TM4SF4: variants seen among roughly 807,000 people sequenced by gnomAD.
The protein encoded by TM4SF4 is transmembrane 4 L six family member 4, also known as transmembrane 4 L6 family member 4.
TM4SF4 carries 24 observed loss-of-function variants against 24.1 expected under a neutral mutation model. The ratio of observed to expected loss-of-function variants is 1.00; its 90% CI spans 0.72 to 1.40. TM4SF4 has a LOEUF of 1.40. Among genes scored for constraint, TM4SF4 ranks in the 40% most tolerant of loss-of-function variants. TM4SF4 has a pLI of 0.00. For synonymous variants in TM4SF4, 113 were observed against 97.0 expected (o/e 1.17, Z -0.97); for missense variants, 254 against 254.2 (o/e 1.00, Z 0.01).
intron 3 of TM4SF4, among the ~76,000 whole-genome samples, chr3:149,490,665 C>T (rs1186043891): frequency 6.6e-6 from 1 of 152,190 alleles, no homozygotes; most frequent in East Asian, 1.9e-4. Context: ...CCTCCTACTC[C>T]TTTTACTATA....
chr3:149,477,039 A>C (rs1406148398), intron 2 of TM4SF4, among the ~76,000 whole-genome samples: 1 of 151,852 alleles, frequency 6.6e-6, no homozygotes, highest in East Asian at 1.9e-4. Flanking sequence ...GACTCAAGCA[A>C]TCCGCCCACC....
chr3:149,487,516 A>G (rs1734139165), intron 2 of TM4SF4, 103 bp from the exon 3 acceptor site: 2 of 1,434,034 alleles, frequency 1.4e-6, no homozygotes, highest in Non-Finnish European at 9.6e-7. Context: ...CCTACTCCAT[A>G]ACTTCTTGTA....
intron 2 of TM4SF4, among the ~76,000 whole-genome samples, chr3:149,483,587 A>G (rs1273914560): frequency 1.3e-5 from 2 of 152,202 alleles, no homozygotes; most frequent in Non-Finnish European, 2.9e-5. Flanking sequence ...AGTACCATGT[A>G]TACTGAACTG....
At chr3:149,502,158 C>T (rs575253478) in intron 4 of TM4SF4, among the ~76,000 whole-genome samples, 7 of 152,278 alleles carry the variant, frequency 4.6e-5, no homozygotes, top group African/African-American at 1.4e-4. Context: ...GTTCTGCCTC[C>T]CTGGTTCAAA....
intron 2 of TM4SF4, among the ~76,000 whole-genome samples, chr3:149,485,745 G>A (rs529943842): frequency 4.6e-5 from 7 of 152,250 alleles, no homozygotes; most frequent in Non-Finnish European, 8.8e-5. Context: ...AGTGAACCAC[G>A]ATTGCACCAC....
At chr3:149,478,087 GT>G (rs1733966525) in intron 2 of TM4SF4, among the ~76,000 whole-genome samples, 1 of 152,192 alleles carries the variant, frequency 6.6e-6, no homozygotes, top group South Asian at 2.1e-4. Flanking sequence ...ACAAAACTTG[GT>G]TTTTAAAATC....
At chr3:149,486,099 A>G (rs1022192593) in intron 2 of TM4SF4, among the ~76,000 whole-genome samples, 1 of 152,226 alleles carries the variant, frequency 6.6e-6, no homozygotes, top group African/African-American at 2.4e-5. Flanking sequence ...CTCCATTATT[A>G]CATAGATTCC....
intron 2 of TM4SF4, among the ~76,000 whole-genome samples, chr3:149,486,513 G>A (rs1734118659): frequency 6.6e-6 from 1 of 152,176 alleles, no homozygotes; most frequent in Admixed American, 6.5e-5. Flanking sequence ...TATTGCAAAA[G>A]TTCTTAACAT....
chr3:149,502,232 A>G (rs1245453576), intron 4 of TM4SF4, among the ~76,000 whole-genome samples: 1 of 152,058 alleles, frequency 6.6e-6, no homozygotes, highest in Non-Finnish European at 1.5e-5. Flanking sequence ...AGCACCTCTT[A>G]CCAAATTATT....
intron 3 of TM4SF4, among the ~76,000 whole-genome samples, chr3:149,497,499 A>T (rs575544893): frequency 1.3e-5 from 2 of 152,352 alleles, no homozygotes; most frequent in South Asian, 4.1e-4. Flanking sequence ...TTTTTCATTA[A>T]GGCTCTGAAA....
chr3:149,484,787 C>T (rs1274201512), intron 2 of TM4SF4, among the ~76,000 whole-genome samples: 3 of 152,068 alleles, frequency 2.0e-5, no homozygotes, highest in Non-Finnish European at 4.4e-5. Context: ...CTCCTGACCT[C>T]GTGATCCACC....
Position 149,480,096 on chromosome 3 carries a change from A to G in TM4SF4, c.264+4184A>G, listed in dbSNP as rs545905734. ...GCGCTCTTTCAAATAAATTAGGCTA[A>G]AGGAGAGCCGGGAAAAGTGAGCCCT... On this transcript the variant is annotated intron_variant, in intron 2 of 4. Coordinates refer to ENST00000305354, the MANE Select transcript of TM4SF4 (RefSeq NM_004617.4). Among the ~76,000 whole-genome samples the G allele has an allele frequency of 2.6e-5, 4 of 152,082 alleles. No homozygotes were observed. In the East Asian group the frequency reaches 7.7e-4, roughly 29 times the overall value.
chr3:149,483,581 C>T (rs994871019), intron 2 of TM4SF4, among the ~76,000 whole-genome samples: 2 of 150,104 alleles, frequency 1.3e-5, no homozygotes, highest in Non-Finnish European at 3.0e-5. Flanking sequence ...ACTGCAAGTA[C>T]CATGTATACT....
chr3:149,495,682 G>A (rs4234368), intron 3 of TM4SF4: 21,682 of 268,916 alleles, frequency 0.081, 1,656 homozygotes, highest in East Asian at 0.39. Flanking sequence ...GGCCAAATCA[G>A]TGCTAGCTAC....
intron 3 of TM4SF4, among the ~76,000 whole-genome samples, chr3:149,491,711 T>A (rs558876748): frequency 1.3e-5 from 2 of 152,174 alleles, no homozygotes; most frequent in South Asian, 4.2e-4. Context: ...ATGGAACAGA[T>A]CCTCATAATG....
chr3:149,479,431 G>C (rs1360764819), intron 2 of TM4SF4, among the ~76,000 whole-genome samples: 1 of 147,886 alleles, frequency 6.8e-6, no homozygotes, highest in Non-Finnish European at 1.5e-5. Context: ...CCAAACTTCT[G>C]GAACTCCTGA....
Position 149,475,924 on chromosome 3 carries a change from T to A in TM4SF4, c.264+12T>A. On this transcript the variant is annotated intron_variant, in intron 2 of 4. Transcript: ENST00000305354. The stretch of plus-strand genomic sequence containing the variant: ...GGAAGCGATTTGCGGTGAGTTACCA[T>A]GGGGGGCAGCTACTAGAATTACTCC... 1 of 1,604,918 alleles carries A rather than the reference T, an allele frequency of 6.2e-7. No individual in the cohort carries two copies.
In TM4SF4 at chr3:149,501,801, A is replaced by G. The variant is rs1291274203; in HGVS notation, c.592-875A>G. Among the ~76,000 whole-genome samples the G allele has an allele frequency of 6.6e-5, 10 of 152,228 alleles. No homozygotes were observed. In the South Asian group the frequency reaches 1.4e-3, roughly 22 times the overall value. ...TGGAGAGAGTGTAAGATCAACATCT[A>G]TCCATTCAGGCGGAAAGTATTTACT... On this transcript the variant is annotated intron_variant, in intron 4 of 4. Transcript: ENST00000305354.
intron 3 of TM4SF4, among the ~76,000 whole-genome samples, chr3:149,493,967 G>T (rs568547601): frequency 6.6e-6 from 1 of 152,196 alleles, no homozygotes; most frequent in African/African-American, 2.4e-5. Context: ...TGTGAAATTC[G>T]TGCCTTTCTG....
Sources: gnomAD v4.1 joint callset for allele counts (sites outside exome capture counted in the v4.1 genomes callset) on GRCh38, gnomAD v4.1.1 for gene constraint, MANE v1.5 for transcripts, NCBI Gene and HGNC (gene_info 2026-07-23, HGNC 2026-07-21) for gene names.